The following AGBL4 variants were observed in gnomAD, a reference collection of about 807,000 sequenced individuals.
AGBL4 encodes the protein cytosolic carboxypeptidase 6.
In AGBL4, 58 loss-of-function variants were observed where a neutral mutation model predicts 66.4. That is an observed-to-expected ratio of 0.87 (90% CI 0.71 to 1.09). AGBL4 has a LOEUF of 1.09. AGBL4 is among the 50% of genes least tolerant of loss of function. The pLI, the probability that AGBL4 is intolerant of heterozygous loss-of-function variation, is 0.00. For synonymous variants in AGBL4, 234 were observed against 222.9 expected, an observed-to-expected ratio of 1.05 and a Z score of -0.44; for missense variants, 579 against 631.0, an observed-to-expected ratio of 0.92 and a Z score of 0.88.
At chr1:49,067,964 A>T (rs1644522431) in intron 4 of AGBL4, among the ~76,000 whole-genome samples, 1 of 144,448 alleles carries the variant, frequency 6.9e-6, no homozygotes, top group Non-Finnish European at 1.5e-5. Context: ...TGTACAAGTG[A>T]TCTAATTGTT....
chr1:49,950,017 CATATGTGTGTGTGTGTATATAT>C lies in AGBL4; in HGVS notation c.34+73724_34+73745del, dbSNP rs1557611646. On this transcript the variant is annotated intron_variant, in intron 1 of 13. Transcript: ENST00000371839. Reference sequence around the variant, plus strand: ...ATATGTGTATATATATATACACACACATATGTGTGTGTGTGTATATATATACACATATGTGTATATATACACA... The same window carrying C: ...ATATGTGTATATATATATACACACACATACACATATGTGTATATATACACA... 1.0e-4 allele frequency among the ~76,000 whole-genome samples: 4 copies of C among 38,844 alleles called. No individual in the cohort carries two copies. The South Asian group carries it at 6.3e-3, about 61-fold the overall frequency. The allele number at this position is 38,844 out of a possible 152,430, so 25.5% of individuals were successfully genotyped here. A position where few individuals can be genotyped will look rare whatever the true frequency, so the allele number is the denominator to read the frequency against.
At chr1:49,245,463 T>C (rs1651566068) in intron 4 of AGBL4, among the ~76,000 whole-genome samples, 1 of 151,474 alleles carries the variant, frequency 6.6e-6, no homozygotes, top group Non-Finnish European at 1.5e-5. Flanking sequence ...ACAGGAAGCT[T>C]ACCAAATAAC....
intron 6 of AGBL4, among the ~76,000 whole-genome samples, chr1:48,801,048 G>A (rs993634783): frequency 1.3e-5 from 2 of 152,140 alleles, no homozygotes; most frequent in Non-Finnish European, 2.9e-5. Flanking sequence ...TGTTCCAAGG[G>A]GGATTATGGC....
rs187498154 is a variant in AGBL4, at chr1:49,353,628, A to G, written c.283-107764T>C. ...CACCTTCAAGCCTGGAAACCCATGG[A>G]CCTAAATGAGAAAAGGCATTCCTGT... is the stretch of plus-strand genomic sequence containing the variant. On this transcript the variant is annotated intron_variant, in intron 3 of 13. Transcript: ENST00000371839. 5.3e-4 allele frequency among the ~76,000 whole-genome samples: 80 copies of G among 152,140 alleles called. No homozygotes were observed. In the East Asian group the frequency reaches 0.014, roughly 27 times the overall value.
intron 4 of AGBL4, among the ~76,000 whole-genome samples, chr1:49,149,269 GT>G (rs1175070592): frequency 6.6e-6 from 1 of 152,156 alleles, no homozygotes; most frequent in African/African-American, 2.4e-5. Context: ...TTTCAAAATT[GT>G]TACTCTGTAT....
chr1:49,584,040 T>C (rs1429621148), intron 3 of AGBL4, among the ~76,000 whole-genome samples: 3 of 152,182 alleles, frequency 2.0e-5, no homozygotes, highest in Non-Finnish European at 2.9e-5. Flanking sequence ...CTTATTTTTT[T>C]CCTTCTCCTT....
chr1:49,054,308 C>T (rs996590900), intron 4 of AGBL4, among the ~76,000 whole-genome samples: 1 of 151,874 alleles, frequency 6.6e-6, no homozygotes, highest in Non-Finnish European at 1.5e-5. Context: ...ATTCATGTAA[C>T]CAAAGTAAAG....
chr1:49,000,542 A>G (rs1206507851), intron 5 of AGBL4, among the ~76,000 whole-genome samples: 2 of 152,222 alleles, frequency 1.3e-5, no homozygotes, highest in African/African-American at 2.4e-5. Context: ...ATGTAAAATT[A>G]GAAAAGTTGA....
At chr1:48,818,226 C>A (rs747047583) in intron 6 of AGBL4, 14 of 717,294 alleles carry the variant, frequency 2.0e-5, no homozygotes, top group South Asian at 1.9e-4. Flanking sequence ...CTTCCAGCTG[C>A]GTAAATTAGT....
rs183676651 is a variant in AGBL4 at position 48,583,340 on chromosome 1, C to G, written c.1267+3664G>C. ...CAGTGCACACTCACAAAAGCTATTT[C>G]CTTTAACCTCACTGCAACTCGGTGA... On this transcript the variant is annotated intron_variant, in intron 11 of 13. Coordinates refer to ENST00000371839, the MANE Select transcript of AGBL4 (RefSeq NM_032785.4). Among the ~76,000 whole-genome samples, 95 of 152,324 alleles carry G rather than the reference C, an allele frequency of 6.2e-4. 1 individual carries two copies. The highest frequency in any genetic ancestry group is 6.2e-3 in the Admixed American group (95 of 15,294).
chr1:49,267,799 A>G (rs1274469630), intron 3 of AGBL4, among the ~76,000 whole-genome samples: 1 of 152,218 alleles, frequency 6.6e-6, no homozygotes, highest in Non-Finnish European at 1.5e-5. Flanking sequence ...GGCACATCTT[A>G]CATGGCAGCA....
intron 3 of AGBL4, among the ~76,000 whole-genome samples, chr1:49,475,042 T>C (rs1646819857): frequency 6.6e-6 from 1 of 152,036 alleles, no homozygotes; most frequent in Non-Finnish European, 1.5e-5. Flanking sequence ...TTTCCAGTTT[T>C]TGCCCATTCA....
intron 2 of AGBL4, among the ~76,000 whole-genome samples, chr1:49,790,006 G>A (rs1184295373): frequency 2.0e-5 from 3 of 152,168 alleles, no homozygotes; most frequent in Admixed American, 6.5e-5. Flanking sequence ...GAACAGAAGA[G>A]AGGCTTGAGA....
At position 49,807,498 on chromosome 1, in the gene AGBL4, CAT is replaced by C. The variant is rs547714369; in HGVS notation, c.157+43896_157+43897del. Among the ~76,000 whole-genome samples, 44 of 152,328 alleles carry C rather than the reference CAT, an allele frequency of 2.9e-4. 1 individual carries two copies. The East Asian group carries it at 3.3e-3, about 11-fold the overall frequency. ...ACCACTGTAATGTGAAAGCACATAA[CAT>C]GTGTGATTTCATAGGTACATAGCTA... On this transcript the variant is annotated intron_variant, in intron 2 of 13. Transcript: ENST00000371839.
intron 3 of AGBL4, among the ~76,000 whole-genome samples, chr1:49,614,740 A>T (rs1374474074): frequency 2.0e-5 from 3 of 152,126 alleles, no homozygotes. Flanking sequence ...TTTTGGAAGC[A>T]TTTCCTGATC....
intron 5 of AGBL4, among the ~76,000 whole-genome samples, chr1:49,022,187 T>C (rs1234163620): frequency 1.3e-5 from 2 of 152,164 alleles, no homozygotes; most frequent in Admixed American, 1.3e-4. Flanking sequence ...GCAAAATAAT[T>C]GTCTTTTAAT....
intron 9 of AGBL4, 98 bp downstream of exon 9, chr1:48,634,395 C>T: frequency 2.0e-6 from 2 of 977,356 alleles, no homozygotes; most frequent in Non-Finnish European, 3.1e-6. Flanking sequence ...GCTATGTATT[C>T]CTAATTTGCA....
chr1:49,346,688 C>G (rs1645639056), intron 3 of AGBL4, among the ~76,000 whole-genome samples: 1 of 152,136 alleles, frequency 6.6e-6, no homozygotes, highest in East Asian at 1.9e-4. Flanking sequence ...ATACAAGAGA[C>G]CCTAACATTA....
At chr1:48,661,599 C>T (rs144970775) in intron 7 of AGBL4, among the ~76,000 whole-genome samples, 9 of 152,294 alleles carry the variant, frequency 5.9e-5, no homozygotes, top group African/African-American at 2.2e-4. Context: ...TCAGCACCAT[C>T]CAAAGATTCC....
Sources: allele counts gnomAD v4.1 joint callset (sites outside exome capture counted in the v4.1 genomes callset), GRCh38; gene constraint gnomAD v4.1.1; transcripts MANE v1.5; gene names NCBI Gene and HGNC (gene_info 2026-07-23, HGNC 2026-07-21).